Variants in LAMA1 observed in about 807,000 individuals in gnomAD.
LAMA1 encodes laminin subunit alpha-1.
A neutral mutation model predicts 348.7 loss-of-function variants in LAMA1; 219 were observed. The observed-to-expected ratio is 0.63, with a 90% confidence interval of 0.56 to 0.70. The LOEUF is 0.70. LAMA1 is among the 30% of genes least tolerant of loss of function. The pLI is 0.00. For synonymous variants in LAMA1, 1,487 were observed against 1,491.0 expected (o/e 1.00, Z 0.06); for missense variants, 3,744 against 3,888.0 (o/e 0.96, Z 0.99).
At chr18:7,048,667 G>A (rs757687790) in intron 5 of LAMA1, among the ~76,000 whole-genome samples, 17 of 152,084 alleles carry the variant, frequency 1.1e-4, no homozygotes, top group African/African-American at 3.9e-4. Flanking sequence ...AAATTTTTGC[G>A]ACACCAGTCT....
intron 36 of LAMA1, among the ~76,000 whole-genome samples, chr18:6,988,550 C>T (rs1032010586): frequency 2.6e-5 from 4 of 152,092 alleles, no homozygotes; most frequent in Admixed American, 6.5e-5. Context: ...CTGTAATCCC[C>T]GCACTTTGGG....
At chr18:7,018,336 C>CATAA (rs2057898612) in intron 19 of LAMA1, among the ~76,000 whole-genome samples, 1 of 44,206 alleles carries the variant, frequency 2.3e-5, no homozygotes, top group Non-Finnish European at 3.7e-5. Flanking sequence ...AACTCCATCT[C>CATAA]AAAAAAAAAA....
At chr18:7,039,994 G>A in intron 10 of LAMA1, 82 bp downstream of exon 10, 2 of 1,511,600 alleles carry the variant, frequency 1.3e-6, no homozygotes, top group Non-Finnish European at 1.8e-6. Context: ...CTCAAGAACT[G>A]ATCATTGGAG....
At chr18:7,082,064 G>T (rs2143785942) in intron 1 of LAMA1, among the ~76,000 whole-genome samples, 1 of 151,830 alleles carries the variant, frequency 6.6e-6, no homozygotes, top group South Asian at 2.1e-4. Context: ...TCTAACACTT[G>T]CTACACTAAA....
intron 3 of LAMA1, among the ~76,000 whole-genome samples, chr18:7,056,831 A>G (rs527965340): frequency 1.1e-4 from 16 of 152,230 alleles, no homozygotes; most frequent in African/African-American, 3.1e-4. Flanking sequence ...TACTGTGGCC[A>G]GTACCAATAC....
intron 33 of LAMA1, among the ~76,000 whole-genome samples, chr18:6,996,466 T>A (rs1176334972): frequency 6.6e-6 from 1 of 152,216 alleles, no homozygotes; most frequent in Non-Finnish European, 1.5e-5. Context: ...AGAATCACAC[T>A]GTTTTCCAAT....
intron 36 of LAMA1, among the ~76,000 whole-genome samples, chr18:6,992,279 T>C (rs2144073485): frequency 6.6e-6 from 1 of 152,340 alleles, no homozygotes; most frequent in African/African-American, 2.4e-5. Context: ...GCTATGCTGT[T>C]TGTGCTAAGT....
rs977824431 is a variant in LAMA1 at position 6,962,017 on chromosome 18, G to A, written c.7380C>T (p.Asn2460=). 39 of 1,614,042 alleles carry A rather than the reference G, an allele frequency of 2.4e-5. No individual in the cohort carries two copies. Among genetic ancestry groups the A allele is most frequent in the Non-Finnish European group, 3.0e-5 (35 of 1,180,038 alleles). ...TTKSFVGCIK[N]LEISRSTFDL... is the part of the protein sequence containing the mutation. The stretch of plus-strand genomic sequence containing the variant: ...CAAAGGTTGATCTGGATATTTCCAG[G>A]TTCTTGATGCAGCCCACAAAGCTTT... The change falls in exon 52 of 63, where the codon AAC becomes AAT. Residue 2460 remains asparagine (N), a synonymous_variant. Coordinates refer to ENST00000389658, the MANE Select transcript of LAMA1 (RefSeq NM_005559.4).
At position 6,975,121 on chromosome 18, in the gene LAMA1, C is replaced by T. The variant is rs58822873; in HGVS notation, c.6490-85G>A. 3,538 of 1,453,802 alleles carry T rather than the reference C, an allele frequency of 2.4e-3. 71 individuals are homozygous for T. The East Asian group carries it at 0.049, about 20-fold the overall frequency. 90.1% of individuals were successfully genotyped at this position (1,453,802 alleles called of 1,614,324 possible). A position where few individuals can be genotyped will look rare whatever the true frequency, so the allele number is the denominator to read the frequency against. ...CAACACTTTACAGAGTCAATTCTTA[C>T]GGGGTTTTCTCTTTTCTTAAAAATA... On this transcript the variant is annotated intron_variant, in intron 45 of 62. Coordinates refer to ENST00000389658, the MANE Select transcript of LAMA1 (RefSeq NM_005559.4).
intron 3 of LAMA1, among the ~76,000 whole-genome samples, chr18:7,054,086 T>A (rs1425575302): frequency 6.6e-6 from 1 of 152,148 alleles, no homozygotes; most frequent in Non-Finnish European, 1.5e-5. Flanking sequence ...ATCTTTTTTT[T>A]ACATTGATTC....
At chr18:6,951,694 T>TA (rs2057547538) in intron 57 of LAMA1, among the ~76,000 whole-genome samples, 1 of 152,112 alleles carries the variant, frequency 6.6e-6, no homozygotes, top group Non-Finnish European at 1.5e-5. Context: ...AGGCAGCTGT[T>TA]ACGACAGCCA....
intron 13 of LAMA1, among the ~76,000 whole-genome samples, chr18:7,034,992 C>T (rs1324610498): frequency 6.6e-6 from 1 of 152,214 alleles, no homozygotes; most frequent in East Asian, 1.9e-4. Context: ...TCTGACACCT[C>T]TAATCTTTAA....
intron 1 of LAMA1, among the ~76,000 whole-genome samples, chr18:7,107,728 C>A (rs1266323396): frequency 6.6e-6 from 1 of 152,164 alleles, no homozygotes; most frequent in African/African-American, 2.4e-5. Flanking sequence ...GGTGTTAACT[C>A]TAAAATACTT....
At position 6,956,977 on chromosome 18, in the gene LAMA1, C is replaced by T; in HGVS notation, c.7965-212G>A. On this transcript the variant is annotated intron_variant, in intron 55 of 62. Transcript: ENST00000389658. Reference sequence around the variant, plus strand: ...CTGAAGCTTCTGCTTGCAATGGCACCCAGCCTAGCATATCCCCATGTCAGA... The same window carrying T: ...CTGAAGCTTCTGCTTGCAATGGCACTCAGCCTAGCATATCCCCATGTCAGA... The T allele has an allele frequency of 1.0e-5, 6 of 575,258 alleles. No individual in the cohort carries two copies. The South Asian group carries it at 1.1e-4, about 11-fold the overall frequency. The allele number at this position is 575,258 out of a possible 1,614,324, so 35.6% of individuals were successfully genotyped here.
At position 6,941,982 on chromosome 18, in the gene LAMA1, T is replaced by C. The variant is rs1384084215; in HGVS notation, c.*97A>G. On this transcript the variant is annotated 3_prime_UTR_variant, in exon 63 of 63. Coordinates refer to ENST00000389658, the MANE Select transcript of LAMA1 (RefSeq NM_005559.4). ...TCTCCCCAGAAACACTTAACCTGAG[T>C]TGGAAATGAAATATGAACTGAAGAG... The C allele has an allele frequency of 1.3e-6, 2 of 1,489,660 alleles. No homozygotes were observed. The highest frequency in any genetic ancestry group is 1.9e-6 in the Non-Finnish European group (2 of 1,075,238). 92.3% of individuals were successfully genotyped at this position (1,489,660 alleles called of 1,614,324 possible). A position where few individuals can be genotyped will look rare whatever the true frequency, so the allele number is the denominator to read the frequency against.
chr18:6,995,013 C>T (rs896627583), intron 34 of LAMA1, among the ~76,000 whole-genome samples: 6 of 152,110 alleles, frequency 3.9e-5, no homozygotes, highest in East Asian at 1.9e-4. Flanking sequence ...CCGTGTACTT[C>T]GTTACTGAAT....
At chr18:7,071,322 T>C (rs1381067305) in intron 3 of LAMA1, among the ~76,000 whole-genome samples, 1 of 152,182 alleles carries the variant, frequency 6.6e-6, no homozygotes. Flanking sequence ...GAAAAGCAGA[T>C]GAAATAACAT....
intron 8 of LAMA1, 153 bp downstream of exon 8, chr18:7,043,074 G>A (rs988733089): frequency 1.4e-6 from 1 of 725,018 alleles, no homozygotes; most frequent in Non-Finnish European, 2.3e-6. Context: ...GCAGGATAGA[G>A]TAGGAAATAT....
rs754450905 is a variant in LAMA1 at position 7,038,831 on chromosome 18, G to T, written c.1542C>A (p.Ser514Arg). 1 of 1,614,200 alleles carries T rather than the reference G, an allele frequency of 6.2e-7. No homozygotes were observed. The highest frequency in any genetic ancestry group is 1.7e-5 in the Admixed American group (1 of 60,024). Reference protein sequence around the residue: ...FCFGVSDVCSSLSWPVGQVNS... With the variant: ...FCFGVSDVCSRLSWPVGQVNS... ...CCACCTGACCAACAGGCCAAGAGAG[G>T]CTGCTGCAGACATCAGAAACGCCAA... The change falls in exon 11 of 63, where the codon AGC becomes AGA. Residue 514 changes from serine to arginine, a missense_variant. Physicochemically the swap from Ser to Arg is moderately radical, Grantham distance 110. Coordinates refer to ENST00000389658, the MANE Select transcript of LAMA1 (RefSeq NM_005559.4).
Sources: allele counts gnomAD v4.1 joint callset (sites outside exome capture counted in the v4.1 genomes callset), GRCh38; gene constraint gnomAD v4.1.1; transcripts MANE v1.5; gene names NCBI Gene and HGNC (gene_info 2026-07-23, HGNC 2026-07-21).